Variants in ACSL1 observed in about 807,000 individuals in gnomAD.
The protein encoded by ACSL1 is acyl-CoA synthetase long chain family member 1, also known as long-chain-fatty-acid--CoA ligase 1.
A neutral mutation model predicts 98.4 loss-of-function variants in ACSL1; 41 were observed. The observed-to-expected ratio is 0.42, with a 90% CI of 0.32 to 0.54. ACSL1 has a LOEUF of 0.54. Among genes scored for constraint, ACSL1 ranks in the 20% least tolerant of loss-of-function variants. The pLI, the probability that ACSL1 is intolerant of heterozygous loss-of-function variation, is 0.13. For missense variants in ACSL1, 734 were observed against 883.1 expected, an observed-to-expected ratio of 0.83 and a Z score of 2.14; for synonymous variants, 316 against 322.7, an observed-to-expected ratio of 0.98 and a Z score of 0.22.
In ACSL1 at chr4:184,776,503, G is replaced by C; in HGVS notation, c.737C>G (p.Thr246Ser). ...ERGQRCGVEV[T>S]SMKAMEDLGR... ...ACTCACCTCCATCGCCTTCATGCTG[G>C]TGACTTCCACCCCACACCTCTGGCC... Residue 246 changes from threonine to serine, a missense_variant, in exon 7 of 21, where the codon ACC becomes AGC. Thr to Ser is a moderately conservative substitution (Grantham distance 58, BLOSUM62 1). Coordinates refer to ENST00000281455, the MANE Select transcript of ACSL1 (RefSeq NM_001995.5). 2 of 1,613,252 alleles carry C rather than the reference G, an allele frequency of 1.2e-6. No individual in the cohort carries two copies. The highest frequency in any genetic ancestry group is 2.2e-5 in the South Asian group (2 of 90,972).
intron 17 of ACSL1, 75 bp from the exon 18 acceptor site, chr4:184,760,575 C>G: frequency 6.4e-7 from 1 of 1,569,774 alleles, no homozygotes; most frequent in Non-Finnish European, 8.7e-7. Flanking sequence ...CAGTACAACA[C>G]TGAAAGGTAT....
At chr4:184,780,870 T>C (rs776415578) in intron 4 of ACSL1, among the ~76,000 whole-genome samples, 4 of 152,164 alleles carry the variant, frequency 2.6e-5, no homozygotes, top group Non-Finnish European at 5.9e-5. Context: ...CAAGCTCTTA[T>C]CCTTAAGTTC....
intron 1 of ACSL1, among the ~76,000 whole-genome samples, chr4:184,815,436 C>T (rs899422205): frequency 6.6e-6 from 1 of 152,188 alleles, no homozygotes; most frequent in Non-Finnish European, 1.5e-5. Flanking sequence ...CTCGCCCTCA[C>T]CCAGTGGGTG....
chr4:184,773,169 T>G lies in ACSL1; in HGVS notation c.842-15A>C. On this transcript the variant is annotated splice_polypyrimidine_tract_variant and intron_variant, in intron 9 of 20. Coordinates refer to ENST00000281455, the MANE Select transcript of ACSL1 (RefSeq NM_001995.5). The surrounding 1 kb of genome is among the most constrained non-coding windows in gnomAD (Gnocchi z 4.3). ...TTTGGGGTTGCCTGTGGAGCACATATGAAGCAGAACAAAGTTAAAGAATGA... is the reference window on the plus strand; with the variant it reads ...TTTGGGGTTGCCTGTGGAGCACATAGGAAGCAGAACAAAGTTAAAGAATGA... 1 of 1,608,988 alleles carries G rather than the reference T, an allele frequency of 6.2e-7. No homozygotes were observed. The highest frequency in any genetic ancestry group is 8.5e-7 in the Non-Finnish European group (1 of 1,175,462).
chr4:184,781,944 A>G (rs1287344676), intron 4 of ACSL1, among the ~76,000 whole-genome samples: 2 of 152,140 alleles, frequency 1.3e-5, no homozygotes, highest in East Asian at 3.8e-4. Context: ...CAGTTCGCAA[A>G]TTCTCAAGAG....
chr4:184,773,019 C>T lies in ACSL1; in HGVS notation c.915+62G>A, dbSNP rs932565915. On this transcript the variant is annotated intron_variant, in intron 10 of 20. Transcript: ENST00000281455. This position sits in a 1 kb window ranked among gnomAD's most constrained non-coding sequence, Gnocchi z 4.3. ...AACACACTGGTGCCCACCTTCAGCA[C>T]TTTCATTCTCAAGGACTAATGTCAA... 6.6e-7 allele frequency: 1 copy of T among 1,524,996 alleles called. No individual in the cohort carries two copies. Among genetic ancestry groups the T allele is most frequent in the Non-Finnish European group, 9.1e-7 (1 of 1,102,106 alleles). The allele number at this position is 1,524,996 out of a possible 1,614,324, so 94.5% of individuals were successfully genotyped here.
chr4:184,788,059 G>A (rs12650102), intron 3 of ACSL1, among the ~76,000 whole-genome samples: 3 of 152,256 alleles, frequency 2.0e-5, no homozygotes, highest in South Asian at 2.1e-4. Context: ...AGAGGTAGTC[G>A]TGGCTCTGCA....
At chr4:184,790,110 G>T (rs748162431) in intron 2 of ACSL1, among the ~76,000 whole-genome samples, 2 of 152,138 alleles carry the variant, frequency 1.3e-5, no homozygotes, top group Non-Finnish European at 2.9e-5. Context: ...GCTGAGGAGG[G>T]CCGCGCTGAG....
At chr4:184,768,478 T>C in intron 11 of ACSL1, 28 bp from the exon 12 acceptor site, 1 of 1,598,706 alleles carries the variant, frequency 6.3e-7, no homozygotes, top group Non-Finnish European at 8.5e-7. Context: ...AAAACAAACA[T>C]TTTATCACCA....
chr4:184,811,208 A>C (rs965457400), intron 1 of ACSL1, among the ~76,000 whole-genome samples: 1 of 152,060 alleles, frequency 6.6e-6, no homozygotes, highest in East Asian at 1.9e-4. Flanking sequence ...TTCTGGGTTC[A>C]CGCCATTCTC....
At chr4:184,786,692 C>CTTTTTT (rs34391801) in intron 3 of ACSL1, among the ~76,000 whole-genome samples, 35 of 123,830 alleles carry the variant, frequency 2.8e-4, no homozygotes, top group Non-Finnish European at 3.9e-4. Context: ...TAGGCACTTT[C>CTTTTTT]TTTTTTTTTT....
intron 2 of ACSL1, among the ~76,000 whole-genome samples, chr4:184,795,466 C>T (rs1292393315): frequency 1.3e-5 from 2 of 152,150 alleles, no homozygotes; most frequent in African/African-American, 4.8e-5. Context: ...TCTGTAGTGA[C>T]CTTTAGCTTT....
chr4:184,822,725 G>A (rs1309219451), intron 1 of ACSL1, among the ~76,000 whole-genome samples: 2 of 152,050 alleles, frequency 1.3e-5, no homozygotes, highest in Non-Finnish European at 1.5e-5. Flanking sequence ...GGGCGACAGA[G>A]TGAGACCTTA....
In ACSL1 at chr4:184,757,786, G is replaced by A. The variant is rs1762307902; in HGVS notation, c.1884+33C>T. 4.3e-6 allele frequency: 7 copies of A among 1,611,768 alleles called. No individual in the cohort carries two copies. Among genetic ancestry groups the A allele is most frequent in the South Asian group, 1.1e-5 (1 of 91,026 alleles). On this transcript the variant is annotated intron_variant, in intron 19 of 20. Coordinates refer to ENST00000281455, the MANE Select transcript of ACSL1 (RefSeq NM_001995.5). The surrounding 1 kb of genome is among the most constrained non-coding windows in gnomAD (Gnocchi z 4.5). ...ACAGGTACATTTAATGCCAAGTTAT[G>A]ATGAGGACAGACTGGACCCTTCAGA...
chr4:184,770,729 G>T lies in ACSL1; in HGVS notation c.916-253C>A, dbSNP rs143030547. On this transcript the variant is annotated intron_variant, in intron 10 of 20. Coordinates refer to ENST00000281455, the MANE Select transcript of ACSL1 (RefSeq NM_001995.5). The stretch of plus-strand genomic sequence containing the variant: ...AATAATAATAAAATTAAAAAAAAAA[G>T]ACTCCGAGTAAACTTCCATTTTATT... 4.5e-3 allele frequency among the ~76,000 whole-genome samples: 682 copies of T among 151,790 alleles called. 7 individuals carry two copies. Among genetic ancestry groups the T allele is most frequent in the African/African-American group, 0.016 (643 of 41,378 alleles).
rs866113997 is a variant in ACSL1, at chr4:184,757,996, T to C, written c.1783-76A>G. ...AATAGTGGTTCTTTATTTTTCCATC[T>C]TGTGGCCCCCTGGGAGAATATGATG... On this transcript the variant is annotated intron_variant, in intron 18 of 20. Coordinates refer to ENST00000281455, the MANE Select transcript of ACSL1 (RefSeq NM_001995.5). This position sits in a 1 kb window ranked among gnomAD's most constrained non-coding sequence, Gnocchi z 4.5. 24 of 1,402,728 alleles carry C rather than the reference T, an allele frequency of 1.7e-5. No individual in the cohort carries two copies. The African/African-American group carries it at 2.4e-4, about 14-fold the overall frequency. 86.9% of individuals were successfully genotyped at this position (1,402,728 alleles called of 1,614,324 possible).
chr4:184,760,240 T>C, intron 18 of ACSL1, 117 bp downstream of exon 18: 1 of 1,166,012 alleles, frequency 8.6e-7, no homozygotes, highest in Non-Finnish European at 1.2e-6. Context: ...TTCTAGCAGA[T>C]TAGACATGAA....
intron 5 of ACSL1, among the ~76,000 whole-genome samples, chr4:184,779,941 T>A (rs1365835130): frequency 1.3e-5 from 2 of 151,930 alleles, no homozygotes; most frequent in Admixed American, 6.5e-5. Flanking sequence ...GGCACAATCT[T>A]GGCTCACCGC....
Position 184,773,967 on chromosome 4 carries a change from G to T in ACSL1, c.757-92C>A. On this transcript the variant is annotated intron_variant, in intron 7 of 20. Coordinates refer to ENST00000281455, the MANE Select transcript of ACSL1 (RefSeq NM_001995.5). This position sits in a 1 kb window ranked among gnomAD's most constrained non-coding sequence, Gnocchi z 4.3. ...CGAGTCACTTAAAGCTGGCTTTACTGTGGGGTTCATTCACACCTGGCTCGA... is the reference window on the plus strand; with the variant it reads ...CGAGTCACTTAAAGCTGGCTTTACTTTGGGGTTCATTCACACCTGGCTCGA... 1 of 1,436,668 alleles carries T rather than the reference G, an allele frequency of 7.0e-7. No homozygotes were observed. Among genetic ancestry groups the T allele is most frequent in the Non-Finnish European group, 9.7e-7 (1 of 1,030,096 alleles). 89.0% of individuals were successfully genotyped at this position (1,436,668 alleles called of 1,614,324 possible).
Sources: gnomAD v4.1 joint callset for allele counts (sites outside exome capture counted in the v4.1 genomes callset) on GRCh38, gnomAD v4.1.1 for gene constraint, Gnocchi (gnomAD v3.1) non-coding constraint, MANE v1.5 for transcripts, NCBI Gene and HGNC (gene_info 2026-07-23, HGNC 2026-07-21) for gene names.